The following MITF variants were observed in gnomAD, a reference collection of about 807,000 sequenced individuals.
The protein encoded by MITF is microphthalmia-associated transcription factor.
A neutral mutation model predicts 60.5 loss-of-function variants in MITF; 17 were observed. The ratio of observed to expected loss-of-function variants is 0.28; its 90% confidence interval spans 0.19 to 0.42. The LOEUF (loss-of-function observed/expected upper bound fraction) is 0.42. Ranked by LOEUF, MITF falls within the 10% of genes least tolerant of loss-of-function variation. The pLI, the probability that MITF is intolerant of heterozygous loss-of-function variation, is 1.00. For synonymous variants in MITF, 260 were observed against 248.5 expected (o/e 1.05, Z -0.43); for missense variants, 622 against 683.5 (o/e 0.91, Z 1.00).
intron 1 of MITF, among the ~76,000 whole-genome samples, chr3:69,804,829 C>T (rs1420499397): frequency 3.3e-5 from 5 of 152,176 alleles, no homozygotes; most frequent in Admixed American, 2.6e-4. Context: ...AGCGTGATGA[C>T]GTCTCTAGAC....
At chr3:69,935,487 T>G (rs1474053740) in intron 2 of MITF, among the ~76,000 whole-genome samples, 1 of 152,160 alleles carries the variant, frequency 6.6e-6, no homozygotes, top group Non-Finnish European at 1.5e-5. Flanking sequence ...TTTAGTAATG[T>G]CTACTGTCAT....
intron 2 of MITF, chr3:69,936,704 T>A (rs1183094812): frequency 1.2e-6 from 2 of 1,613,602 alleles, no homozygotes; most frequent in Non-Finnish European, 1.7e-6. Context: ...ACTGGATTGG[T>A]GCCACCTAAA....
Position 69,966,999 on chromosome 3 carries a change from T to C in MITF, c.*1751T>C. 4.3e-6 allele frequency: 1 copy of C among 232,108 alleles called. No individual in the cohort carries two copies. Among genetic ancestry groups the C allele is most frequent in the East Asian group, 6.1e-5 (1 of 16,368 alleles). The allele number at this position is 232,108 out of a possible 1,614,324, so 14.4% of individuals were successfully genotyped here. Reference sequence around the variant, plus strand: ...CTTCAGATATTTTTAATATTAAATATATTTTAGTGACAGAGTGCCAACTTC... The same window carrying C: ...CTTCAGATATTTTTAATATTAAATACATTTTAGTGACAGAGTGCCAACTTC... On this transcript the variant is annotated 3_prime_UTR_variant, in exon 10 of 10. Coordinates refer to ENST00000352241, the MANE Select transcript of MITF (RefSeq NM_001354604.2).
At chr3:69,839,594 A>G (rs968748087) in intron 1 of MITF, among the ~76,000 whole-genome samples, 2 of 151,950 alleles carry the variant, frequency 1.3e-5, no homozygotes, top group South Asian at 2.1e-4. Context: ...GAGCTGTCCT[A>G]CCCACTTCGT....
rs2063226326 is a variant in MITF, at chr3:69,819,102, G to A, written c.105-60032G>A. On this transcript the variant is annotated intron_variant, in intron 1 of 9. Coordinates refer to ENST00000352241, the MANE Select transcript of MITF (RefSeq NM_001354604.2). ...AAACAACTATAGTTGTTGAGTTGAA[G>A]GTAGAATGGGAATAAAGCCTCACAC... Among the ~76,000 whole-genome samples, 3 of 152,210 alleles carry A rather than the reference G, an allele frequency of 2.0e-5. No homozygotes were observed. The South Asian group carries it at 6.2e-4, about 32-fold the overall frequency.
intron 1 of MITF, among the ~76,000 whole-genome samples, chr3:69,812,949 A>G (rs1285076564): frequency 3.9e-5 from 6 of 152,206 alleles, no homozygotes; most frequent in Non-Finnish European, 7.3e-5. Context: ...TGCCTCTCAC[A>G]TAAAACGAAT....
intron 1 of MITF, among the ~76,000 whole-genome samples, chr3:69,788,857 C>G (rs780570447): frequency 1.9e-4 from 29 of 152,256 alleles, no homozygotes; most frequent in Middle Eastern, 6.8e-3. Context: ...TAAGGACAGT[C>G]TCTTCATCAA....
chr3:69,913,690 C>G (rs1055180022), intron 2 of MITF, among the ~76,000 whole-genome samples: 1 of 152,096 alleles, frequency 6.6e-6, no homozygotes, highest in African/African-American at 2.4e-5. Context: ...GAAGGGAGAG[C>G]CAGGTAGTTC....
Position 69,941,220 on chromosome 3 carries a change from AC to A in MITF, c.667-13del. 6.5e-7 allele frequency: 1 copy of A among 1,545,602 alleles called. No homozygotes were observed. Among genetic ancestry groups the A allele is most frequent in the Non-Finnish European group, 8.9e-7 (1 of 1,118,162 alleles). The stretch of plus-strand genomic sequence containing the variant: ...TATTTATTTTTGTCTCTCTTCTCTT[AC>A]CCTTTTTCCTACAGATGGATGATGT... On this transcript the variant is annotated splice_polypyrimidine_tract_variant and intron_variant, in intron 4 of 9. Coordinates refer to ENST00000352241, the MANE Select transcript of MITF (RefSeq NM_001354604.2).
At chr3:69,751,127 T>G (rs1329294394) in intron 1 of MITF, among the ~76,000 whole-genome samples, 1 of 152,206 alleles carries the variant, frequency 6.6e-6, no homozygotes, top group Non-Finnish European at 1.5e-5. Context: ...TGCAGTCACT[T>G]GACTGAAAGA....
chr3:69,913,755 C>T (rs924161878), intron 2 of MITF, among the ~76,000 whole-genome samples: 7 of 152,064 alleles, frequency 4.6e-5, no homozygotes, highest in African/African-American at 9.7e-5. Flanking sequence ...TCCTAACGAA[C>T]GTATTAATAG....
chr3:69,843,753 G>A (rs1009580782), intron 1 of MITF, among the ~76,000 whole-genome samples: 8 of 152,124 alleles, frequency 5.3e-5, no homozygotes, highest in African/African-American at 1.9e-4. Flanking sequence ...TTGTTTGTTT[G>A]TTTGTTGTAC....
intron 9 of MITF, among the ~76,000 whole-genome samples, chr3:69,961,739 A>G (rs952814294): frequency 3.9e-5 from 6 of 152,186 alleles, no homozygotes; most frequent in African/African-American, 1.2e-4. Context: ...AACAAACAAA[A>G]AAAAGCAGCT....
chr3:69,896,129 C>T (rs186909126), intron 2 of MITF, among the ~76,000 whole-genome samples: 10 of 152,244 alleles, frequency 6.6e-5, no homozygotes, highest in Non-Finnish European at 1.2e-4. Flanking sequence ...ATGAAAACCT[C>T]CCATGTTGTT....
At chr3:69,855,558 G>T (rs2063903562) in intron 1 of MITF, among the ~76,000 whole-genome samples, 1 of 151,674 alleles carries the variant, frequency 6.6e-6, no homozygotes, top group Non-Finnish European at 1.5e-5. Flanking sequence ...TTTGTGTAAT[G>T]ATTTTTTTTT....
chr3:69,860,546 G>C (rs927045958), intron 1 of MITF, among the ~76,000 whole-genome samples: 4 of 148,994 alleles, frequency 2.7e-5, no homozygotes, highest in African/African-American at 9.9e-5. Flanking sequence ...TGCAGTGAGC[G>C]GAGATCGCGC....
chr3:69,818,359 G>A (rs1031290045), intron 1 of MITF, among the ~76,000 whole-genome samples: 1 of 152,074 alleles, frequency 6.6e-6, no homozygotes, highest in Non-Finnish European at 1.5e-5. Context: ...TCTTGAGGAG[G>A]CATTGATTTC....
At chr3:69,954,568 G>A (rs1369343346) in intron 7 of MITF, among the ~76,000 whole-genome samples, 1 of 152,146 alleles carries the variant, frequency 6.6e-6, no homozygotes, top group Non-Finnish European at 1.5e-5. Context: ...CCTCCAATGG[G>A]GCGTGTCTGG....
chr3:69,798,965 G>C (rs1208831964), intron 1 of MITF, among the ~76,000 whole-genome samples: 1 of 152,106 alleles, frequency 6.6e-6, no homozygotes, highest in Non-Finnish European at 1.5e-5. Context: ...TTATTTGTGT[G>C]ATCATTTGAT....
Sources: gnomAD v4.1 joint callset for allele counts (sites outside exome capture counted in the v4.1 genomes callset) on GRCh38, gnomAD v4.1.1 for gene constraint, MANE v1.5 for transcripts, NCBI Gene and HGNC (gene_info 2026-07-23, HGNC 2026-07-21) for gene names.